GFPT1: variants seen among roughly 807,000 people sequenced by gnomAD.
GFPT1 encodes the protein glutamine--fructose-6-phosphate aminotransferase [isomerizing] 1.
Under a neutral mutation model 92.0 loss-of-function variants are expected in GFPT1, and 40 were observed. The ratio of observed to expected loss-of-function variants is 0.43; its 90% CI spans 0.34 to 0.57. The LOEUF (loss-of-function observed/expected upper bound fraction) is 0.57. Among genes scored for constraint, GFPT1 ranks in the 20% least tolerant of loss-of-function variants. GFPT1 has a pLI of 0.02. For missense variants in GFPT1, 448 were observed against 869.1 expected (o/e 0.52, Z 6.09); for synonymous variants, 269 against 280.6 (o/e 0.96, Z 0.41).
In GFPT1 at chr2:69,321,084, G is replaced by C. The variant is rs1435172343; in HGVS notation, c.*5105C>G. 1 of 152,208 alleles carries C rather than the reference G, an allele frequency of 6.6e-6. No homozygotes were observed. Among genetic ancestry groups the C allele is most frequent in the Non-Finnish European group, 1.5e-5 (1 of 68,040 alleles). The allele number at this position is 152,208 out of a possible 1,614,324, so 9.4% of individuals were successfully genotyped here. A position where few individuals can be genotyped will look rare whatever the true frequency, so the allele number is the denominator to read the frequency against. On this transcript the variant is annotated 3_prime_UTR_variant, in exon 20 of 20. Coordinates refer to ENST00000357308, the MANE Select transcript of GFPT1 (RefSeq NM_001244710.2). ...TTGCTCTATAATTAACAGAGAGCCA[G>C]ATATTACAGAAACTTTAGATTGTCT...
intron 2 of GFPT1, among the ~76,000 whole-genome samples, chr2:69,372,249 A>G (rs1370269304): frequency 8.6e-5 from 13 of 151,620 alleles, no homozygotes; most frequent in Admixed American, 7.9e-4. Context: ...TCACCCATGA[A>G]GACACCAAAT....
chr2:69,339,725 T>C (rs2104619407), intron 13 of GFPT1, among the ~76,000 whole-genome samples: 1 of 152,294 alleles, frequency 6.6e-6, no homozygotes, highest in African/African-American at 2.4e-5. Flanking sequence ...TAACTTTTGC[T>C]TGCCCACAAA....
intron 19 of GFPT1, 52 bp from the exon 20 acceptor site, chr2:69,326,285 G>T (rs1333109344): frequency 1.7e-6 from 2 of 1,176,978 alleles, no homozygotes; most frequent in Admixed American, 1.8e-5. Flanking sequence ...TATAGACTGG[G>T]GAAGGGGGTG....
intron 4 of GFPT1, among the ~76,000 whole-genome samples, chr2:69,362,604 T>TG (rs1671501755): frequency 1.3e-5 from 2 of 151,956 alleles, no homozygotes; most frequent in South Asian, 4.2e-4. Context: ...GAGACCATCC[T>TG]GGCTAATACA....
At chr2:69,328,171 A>G (rs1670576798) in intron 18 of GFPT1, 100 bp downstream of exon 18, 3 of 893,848 alleles carry the variant, frequency 3.4e-6, no homozygotes, top group Non-Finnish European at 5.7e-6. Context: ...TCCAAAGTAA[A>G]TGAGTTAACA....
At chr2:69,381,821 T>G (rs1395331367) in intron 1 of GFPT1, among the ~76,000 whole-genome samples, 1 of 151,506 alleles carries the variant, frequency 6.6e-6, no homozygotes, top group Non-Finnish European at 1.5e-5. Flanking sequence ...CCTGAGTGGC[T>G]GGGATTACAG....
At chr2:69,350,837 A>G (rs1334621408) in intron 9 of GFPT1, among the ~76,000 whole-genome samples, 1 of 151,180 alleles carries the variant, frequency 6.6e-6, no homozygotes, top group Admixed American at 6.6e-5. Context: ...CAGGAAGTGG[A>G]GGCTGCAGTG....
chr2:69,383,501 C>A (rs1233812103), intron 1 of GFPT1, among the ~76,000 whole-genome samples: 1 of 152,206 alleles, frequency 6.6e-6, no homozygotes, highest in Non-Finnish European at 1.5e-5. Context: ...AGCCATTAGA[C>A]AGTATAATTA....
intron 15 of GFPT1, among the ~76,000 whole-genome samples, chr2:69,332,244 T>C (rs1670680350): frequency 6.6e-6 from 1 of 152,070 alleles, no homozygotes; most frequent in Admixed American, 6.5e-5. Context: ...TTTATCACTT[T>C]GGCCACACAC....
At chr2:69,365,031 A>G (rs1671576098) in intron 3 of GFPT1, among the ~76,000 whole-genome samples, 1 of 137,534 alleles carries the variant, frequency 7.3e-6, no homozygotes, top group Non-Finnish European at 1.6e-5. Context: ...GAAGTAGCTG[A>G]TTCTTATTTT....
At chr2:69,372,329 G>C (rs944955658) in intron 2 of GFPT1, among the ~76,000 whole-genome samples, 2 of 152,046 alleles carry the variant, frequency 1.3e-5, no homozygotes, top group African/African-American at 4.8e-5. Flanking sequence ...CAGCACTTTG[G>C]GAGGCCAGGG....
rs753795105 is a variant in GFPT1 at position 69,323,201 on chromosome 2, A to G, written c.*2988T>C. On this transcript the variant is annotated 3_prime_UTR_variant, in exon 20 of 20. Transcript: ENST00000357308. ...CTGGGCCACACGCTAGATGACAGAC[A>G]TGCCTCCCTGCCTAAAAAGGGCTCA... 6.6e-6 allele frequency: 1 copy of G among 152,232 alleles called. No individual in the cohort carries two copies. Among genetic ancestry groups the G allele is most frequent in the Non-Finnish European group, 1.5e-5 (1 of 68,042 alleles). 9.4% of individuals were successfully genotyped at this position (152,232 alleles called of 1,614,324 possible).
At chr2:69,337,821 C>G (rs1670838092) in intron 15 of GFPT1, 77 bp downstream of exon 15, 2 of 1,150,392 alleles carry the variant, frequency 1.7e-6, no homozygotes, top group Middle Eastern at 2.0e-4. Flanking sequence ...AAATAAGATA[C>G]AGACTAGTCT....
intron 2 of GFPT1, among the ~76,000 whole-genome samples, chr2:69,373,575 C>T (rs554189782): frequency 9.9e-5 from 15 of 152,124 alleles, no homozygotes; most frequent in African/African-American, 3.4e-4. Flanking sequence ...GCTATGACCG[C>T]ACCACTACAC....
chr2:69,377,400 C>T (rs568887167), intron 1 of GFPT1, among the ~76,000 whole-genome samples: 5 of 151,022 alleles, frequency 3.3e-5, no homozygotes, highest in South Asian at 4.2e-4. Flanking sequence ...CCTGTAATCC[C>T]GACACTTTGG....
At chr2:69,337,862 T>C (rs368776399) in intron 15 of GFPT1, 36 bp downstream of exon 15, 1 of 1,571,620 alleles carries the variant, frequency 6.4e-7, no homozygotes, top group Non-Finnish European at 8.8e-7. Context: ...GACACTATGA[T>C]TAAATAATCA....
intron 1 of GFPT1, among the ~76,000 whole-genome samples, chr2:69,375,478 C>G (rs1021437964): frequency 5.9e-5 from 9 of 152,238 alleles, no homozygotes; most frequent in Non-Finnish European, 1.2e-4. Context: ...TCACCATGAT[C>G]AATACATTGC....
rs559295536 is a variant in GFPT1 at position 69,384,127 on chromosome 2, G to A, written c.7+2938C>T. 3.3e-5 allele frequency among the ~76,000 whole-genome samples: 5 copies of A among 152,150 alleles called. No homozygotes were observed. In the South Asian group the frequency reaches 1.0e-3, roughly 32 times the overall value. Reference sequence around the variant, plus strand: ...GAAGATAAAATAAATTTGGAAAATAGACACACTATTCTTCTCTGGGAGATT... The same window carrying A: ...GAAGATAAAATAAATTTGGAAAATAAACACACTATTCTTCTCTGGGAGATT... On this transcript the variant is annotated intron_variant, in intron 1 of 19. Coordinates refer to ENST00000357308, the MANE Select transcript of GFPT1 (RefSeq NM_001244710.2).
intron 4 of GFPT1, among the ~76,000 whole-genome samples, chr2:69,359,931 T>A (rs1207945464): frequency 2.0e-5 from 3 of 152,186 alleles, no homozygotes; most frequent in Non-Finnish European, 4.4e-5. Flanking sequence ...ATAGACATGA[T>A]CTCGGGATAA....
Sources: gnomAD v4.1 joint callset for allele counts (sites outside exome capture counted in the v4.1 genomes callset) on GRCh38, gnomAD v4.1.1 for gene constraint, MANE v1.5 for transcripts, NCBI Gene and HGNC (gene_info 2026-07-23, HGNC 2026-07-21) for gene names.